TRPS1: variants seen among roughly 807,000 people sequenced by gnomAD.
The protein encoded by TRPS1 is transcriptional repressor GATA binding 1, also known as zinc finger transcription factor Trps1.
In TRPS1, 6 loss-of-function variants were observed where a neutral mutation model predicts 101.2. The ratio of observed to expected loss-of-function variants is 0.06; its 90% CI spans 0.03 to 0.12. The LOEUF (loss-of-function observed/expected upper bound fraction) is 0.12. Among genes scored for constraint, TRPS1 ranks in the 10% least tolerant of loss-of-function variants. The pLI, the probability that TRPS1 is intolerant of heterozygous loss-of-function variation, is 1.00. For missense variants in TRPS1, 1,363 were observed against 1,567.0 expected (o/e 0.87, Z 2.20); for synonymous variants, 578 against 589.8 (o/e 0.98, Z 0.29).
intron 4 of TRPS1, among the ~76,000 whole-genome samples, chr8:115,601,941 T>A (rs1452025096): frequency 6.6e-6 from 1 of 152,232 alleles, no homozygotes; most frequent in African/African-American, 2.4e-5. Context: ...TAGAGCTTAC[T>A]TTCATCACTG....
At chr8:115,567,034 G>T (rs540345416) in intron 5 of TRPS1, among the ~76,000 whole-genome samples, 22 of 152,072 alleles carry the variant, frequency 1.4e-4, no homozygotes, top group Non-Finnish European at 3.2e-4. Flanking sequence ...TCTCATTTGA[G>T]AAAATTTACA....
intron 5 of TRPS1, among the ~76,000 whole-genome samples, chr8:115,525,081 A>G (rs1305121047): frequency 6.6e-6 from 1 of 152,158 alleles, no homozygotes; most frequent in African/African-American, 2.4e-5. Context: ...AAGTCTTCCG[A>G]AAGCACCTGA....
At chr8:115,605,832 G>A (rs974276429) in intron 3 of TRPS1, among the ~76,000 whole-genome samples, 20 of 152,110 alleles carry the variant, frequency 1.3e-4, no homozygotes, top group South Asian at 2.1e-4. Context: ...CCCAAATTAT[G>A]AAATTACATG....
intron 1 of TRPS1, among the ~76,000 whole-genome samples, chr8:115,648,031 G>A (rs1340660996): frequency 6.6e-6 from 1 of 152,226 alleles, no homozygotes; most frequent in Non-Finnish European, 1.5e-5. Context: ...AAGATTTAAG[G>A]ATGAGTAGCT....
At chr8:115,526,244 G>A (rs1349881291) in intron 5 of TRPS1, among the ~76,000 whole-genome samples, 1 of 152,036 alleles carries the variant, frequency 6.6e-6, no homozygotes, top group African/African-American at 2.4e-5. Context: ...GGGAGCTGGA[G>A]GTTGCAGTGA....
intron 5 of TRPS1, among the ~76,000 whole-genome samples, chr8:115,508,823 T>C (rs1180104215): frequency 6.6e-6 from 1 of 152,038 alleles, no homozygotes; most frequent in Non-Finnish European, 1.5e-5. Flanking sequence ...CAGATCCTTT[T>C]GGAAGTGAGT....
At chr8:115,572,450 ATT>A (rs33922136) in intron 5 of TRPS1, among the ~76,000 whole-genome samples, 104,747 of 150,968 alleles carry the variant, frequency 0.69, 37,604 homozygotes, top group African/African-American at 0.89. Context: ...ACATTTTGCT[ATT>A]TTTTTTTTGT....
chr8:115,442,344 T>C (rs1439852427), intron 5 of TRPS1, among the ~76,000 whole-genome samples: 1 of 152,200 alleles, frequency 6.6e-6, no homozygotes, highest in African/African-American at 2.4e-5. Context: ...TATTTTTGCT[T>C]GCAGGAATAT....
intron 5 of TRPS1, among the ~76,000 whole-genome samples, chr8:115,425,532 A>G (rs1217142177): frequency 6.6e-6 from 1 of 152,232 alleles, no homozygotes; most frequent in African/African-American, 2.4e-5. Context: ...TGAGATATGA[A>G]TGCACCTAAG....
At chr8:115,450,630 C>T (rs1483670365) in intron 5 of TRPS1, among the ~76,000 whole-genome samples, 4 of 152,004 alleles carry the variant, frequency 2.6e-5, no homozygotes, top group African/African-American at 4.8e-5. Context: ...GGAAGGTCTG[C>T]GTCAGGAACT....
chr8:115,667,610 G>A (rs1811954212), intron 1 of TRPS1, among the ~76,000 whole-genome samples: 1 of 152,188 alleles, frequency 6.6e-6, no homozygotes, highest in African/African-American at 2.4e-5. Context: ...AAGCGCCCGG[G>A]CTGCAAGGCC....
chr8:115,450,048 A>G (rs551398952), intron 5 of TRPS1, among the ~76,000 whole-genome samples: 2 of 152,154 alleles, frequency 1.3e-5, no homozygotes, highest in African/African-American at 2.4e-5. Context: ...AATTTCTTGC[A>G]TAAACAAATT....
At chr8:115,430,497 C>A (rs1813292842) in intron 5 of TRPS1, among the ~76,000 whole-genome samples, 1 of 151,680 alleles carries the variant, frequency 6.6e-6, no homozygotes, top group South Asian at 2.1e-4. Context: ...TTAAGCATAC[C>A]TTTATTCATG....
At chr8:115,494,614 G>A (rs1227013875) in intron 5 of TRPS1, among the ~76,000 whole-genome samples, 1 of 152,154 alleles carries the variant, frequency 6.6e-6, no homozygotes, top group African/African-American at 2.4e-5. Context: ...CTCCAGCAAC[G>A]AAAGTCTCAA....
intron 1 of TRPS1, among the ~76,000 whole-genome samples, chr8:115,635,593 G>C (rs909586245): frequency 6.6e-6 from 1 of 152,154 alleles, no homozygotes; most frequent in Non-Finnish European, 1.5e-5. Context: ...AAACAAGGAA[G>C]AGCAGTGACT....
At chr8:115,543,537 A>T (rs1816501910) in intron 5 of TRPS1, among the ~76,000 whole-genome samples, 1 of 152,190 alleles carries the variant, frequency 6.6e-6, no homozygotes, top group Admixed American at 6.5e-5. Flanking sequence ...GCATTTAAAA[A>T]ATATATATCT....
At chr8:115,427,439 C>T (rs1371713592) in intron 5 of TRPS1, among the ~76,000 whole-genome samples, 1 of 152,054 alleles carries the variant, frequency 6.6e-6, no homozygotes, top group African/African-American at 2.4e-5. Context: ...TATCTGATAT[C>T]CTCAGAATGA....
At chr8:115,621,916 C>CA (rs745617818) in intron 2 of TRPS1, among the ~76,000 whole-genome samples, 13,930 of 138,116 alleles carry the variant, frequency 0.1, 2,082 homozygotes, top group African/African-American at 0.33. Flanking sequence ...AACTCCATCT[C>CA]AAAAAAAAAA....
intron 5 of TRPS1, among the ~76,000 whole-genome samples, chr8:115,460,753 C>T (rs138095152): frequency 4.6e-5 from 7 of 152,144 alleles, no homozygotes; most frequent in East Asian, 1.9e-4. Context: ...GTAGTTTGGA[C>T]GACTAACCAA....
Sources: gnomAD v4.1 joint callset for allele counts (sites outside exome capture counted in the v4.1 genomes callset) on GRCh38, gnomAD v4.1.1 for gene constraint, MANE v1.5 for transcripts, NCBI Gene and HGNC (gene_info 2026-07-23, HGNC 2026-07-21) for gene names.